Variants in RRBP1 observed in about 807,000 individuals in gnomAD.
RRBP1 encodes the protein ribosome binding protein 1, also known as ribosome-binding protein 1.
Under a neutral mutation model 165.2 loss-of-function variants are expected in RRBP1, and 94 were observed. The observed-to-expected ratio is 0.57, with a 90% confidence interval of 0.48 to 0.68. RRBP1 has a LOEUF of 0.68. RRBP1 is among the 30% of genes least tolerant of loss of function. The pLI, the probability that RRBP1 is intolerant of heterozygous loss-of-function variation, is 0.00. For missense variants in RRBP1, 1,676 were observed against 1,763.0 expected, an observed-to-expected ratio of 0.95 and a Z score of 0.88; for synonymous variants, 680 against 714.5, an observed-to-expected ratio of 0.95 and a Z score of 0.77.
intron 2 of RRBP1, among the ~76,000 whole-genome samples, chr20:17,674,591 G>A (rs1377971552): frequency 3.3e-5 from 5 of 151,854 alleles, no homozygotes; most frequent in East Asian, 3.9e-4. Context: ...GTGAAACCCC[G>A]TCTCTACTAA....
chr20:17,628,161 C>T (rs1324190153), intron 9 of RRBP1, among the ~76,000 whole-genome samples: 1 of 152,146 alleles, frequency 6.6e-6, no homozygotes, highest in East Asian at 1.9e-4. Context: ...CCTTTCTCCC[C>T]TTGAGGTGTC....
At chr20:17,652,225 G>A (rs1485970846) in intron 3 of RRBP1, among the ~76,000 whole-genome samples, 1 of 152,340 alleles carries the variant, frequency 6.6e-6, no homozygotes, top group Non-Finnish European at 1.5e-5. Context: ...CTCTGACTGA[G>A]ATGATCTGTC....
chr20:17,627,792 T>A, intron 9 of RRBP1, 110 bp from the exon 10 acceptor site: 1 of 1,010,364 alleles, frequency 9.9e-7, no homozygotes, highest in Non-Finnish European at 1.4e-6. Flanking sequence ...GAGGGCTTCC[T>A]CCTGCCTCCT....
chr20:17,614,354 A>G, intron 24 of RRBP1, 134 bp from the exon 25 acceptor site: 1 of 816,282 alleles, frequency 1.2e-6, no homozygotes. Context: ...AGAGAACAGG[A>G]GCCACAGACC....
intron 8 of RRBP1, among the ~76,000 whole-genome samples, chr20:17,630,929 T>C (rs2036139084): frequency 6.6e-6 from 1 of 152,228 alleles, no homozygotes; most frequent in African/African-American, 2.4e-5. Context: ...CTGCACAACC[T>C]GGAGCTGGGG....
At chr20:17,648,506 C>A (rs890294553) in intron 3 of RRBP1, among the ~76,000 whole-genome samples, 4 of 152,276 alleles carry the variant, frequency 2.6e-5, no homozygotes, top group Admixed American at 1.3e-4. Context: ...GCACTTGACC[C>A]CAAATGCCAC....
chr20:17,663,795 C>CA (rs1459591372), intron 2 of RRBP1, among the ~76,000 whole-genome samples: 12 of 152,124 alleles, frequency 7.9e-5, no homozygotes, highest in Admixed American at 7.2e-4. Flanking sequence ...AAGAGGCCCC[C>CA]AACAGAAACC....
chr20:17,665,731 T>C (rs991607164), intron 2 of RRBP1, among the ~76,000 whole-genome samples: 3 of 152,226 alleles, frequency 2.0e-5, no homozygotes, highest in African/African-American at 7.2e-5. Context: ...AAATCTCCTT[T>C]ATACCCCTGA....
intron 2 of RRBP1, among the ~76,000 whole-genome samples, chr20:17,669,293 A>G (rs1157984904): frequency 1.3e-5 from 2 of 152,232 alleles, no homozygotes; most frequent in African/African-American, 4.8e-5. Context: ...CAGTCTTTGG[A>G]AAGTAGGTAC....
At position 17,614,825 on chromosome 20, in the gene RRBP1, C is replaced by T. The variant is rs2229887; in HGVS notation, c.4106G>A (p.Arg1369Lys). 1.7e-3 allele frequency: 2,663 copies of T among 1,613,906 alleles called. 36 individuals are homozygous for T. The African/African-American group carries it at 0.03, about 18-fold the overall frequency. ...GGTCGTCTTCAGAAGCTCCTGCAGT[C>T]TCGTGGCGGCGCGCCCCAGGTCACT... Reference protein sequence around the residue: ...LTSDLGRAATRLQELLKTTQE... With the variant: ...LTSDLGRAATKLQELLKTTQE... The change falls in exon 24 of 25, where the codon AGA (arginine) becomes AAA (lysine). Residue 1369 changes from arginine to lysine, a missense_variant. Arg to Lys is a conservative substitution (Grantham distance 26). Transcript: ENST00000377813.
intron 2 of RRBP1, among the ~76,000 whole-genome samples, chr20:17,669,388 G>A (rs1400558943): frequency 6.6e-6 from 1 of 152,172 alleles, no homozygotes; most frequent in East Asian, 1.9e-4. Flanking sequence ...TATGCGGTAG[G>A]AATCAAGAAC....
intron 3 of RRBP1, among the ~76,000 whole-genome samples, chr20:17,644,195 G>A (rs1052093547): frequency 1.3e-5 from 2 of 152,172 alleles, no homozygotes; most frequent in Non-Finnish European, 2.9e-5. Context: ...TGGGATGTGG[G>A]CGAGCTGGTT....
At chr20:17,614,621 G>T (rs1034242239) in intron 24 of RRBP1, 116 bp downstream of exon 24, 15 of 1,349,270 alleles carry the variant, frequency 1.1e-5, no homozygotes, top group Non-Finnish European at 1.5e-5. Flanking sequence ...GGGGCTCCCA[G>T]CCCAGCGCTC....
chr20:17,625,292 C>T (rs946751707), intron 12 of RRBP1, among the ~76,000 whole-genome samples: 4 of 152,130 alleles, frequency 2.6e-5, no homozygotes, highest in Admixed American at 2.0e-4. Flanking sequence ...GAGCGAGTGG[C>T]GCAGGCTGAT....
chr20:17,678,475 G>A (rs2037122507), intron 2 of RRBP1, among the ~76,000 whole-genome samples: 1 of 152,198 alleles, frequency 6.6e-6, no homozygotes, highest in Admixed American at 6.5e-5. Context: ...CTTTCTCAGG[G>A]TGAGATCTTA....
intron 18 of RRBP1, 27 bp from the exon 19 acceptor site, chr20:17,619,755 G>GC: frequency 6.6e-7 from 1 of 1,519,250 alleles, no homozygotes; most frequent in Non-Finnish European, 9.0e-7. Flanking sequence ...ACACGCACAC[G>GC]CATGCGCCAG....
chr20:17,624,314 G>A (rs570685449), intron 13 of RRBP1, among the ~76,000 whole-genome samples: 5 of 152,340 alleles, frequency 3.3e-5, no homozygotes, highest in South Asian at 2.1e-4. Context: ...GCACCTGTGC[G>A]TCTGTGTGTC....
chr20:17,641,194 C>T (rs1457825042), intron 5 of RRBP1, among the ~76,000 whole-genome samples: 2 of 152,236 alleles, frequency 1.3e-5, no homozygotes, highest in East Asian at 3.8e-4. Flanking sequence ...GATCCCAACA[C>T]AATCTCAACG....
In RRBP1 at chr20:17,678,674, C is replaced by T. The variant is rs530453410; in HGVS notation, c.-22+1325G>A. Among the ~76,000 whole-genome samples the T allele has an allele frequency of 2.0e-3, 301 of 152,370 alleles. 1 individual carries two copies. Among genetic ancestry groups the T allele is most frequent in the African/African-American group, 7.0e-3 (291 of 41,588 alleles). ...ATGGTGGAAACCATCTACAGCCACG[C>T]TGACCAACTTATGACTACTGAGCAC... On this transcript the variant is annotated intron_variant, in intron 2 of 24. Transcript: ENST00000377813.
Sources: gnomAD v4.1 joint callset for allele counts (sites outside exome capture counted in the v4.1 genomes callset) on GRCh38, gnomAD v4.1.1 for gene constraint, MANE v1.5 for transcripts, NCBI Gene and HGNC (gene_info 2026-07-23, HGNC 2026-07-21) for gene names.